FERRY3: variants seen among roughly 807,000 people sequenced by gnomAD.
The protein encoded by FERRY3 is FERRY endosomal RAB5 effector complex subunit 3, also known as protein C12orf4.
the FERRY3 span, among the ~76,000 whole-genome samples, chr12:4,496,335 C>T: frequency 2.0e-4 from 31 of 152,278 alleles, no homozygotes; most frequent in African/African-American, 7.5e-4. Flanking sequence ...AAGGAGCTCA[C>T]TTCTGGAAAC....
the FERRY3 span, among the ~76,000 whole-genome samples, chr12:4,490,760 T>C: frequency 6.6e-6 from 1 of 152,202 alleles, no homozygotes; most frequent in Non-Finnish European, 1.5e-5. Flanking sequence ...TGTTTGCAAT[T>C]CCTAATTCTT....
chr12:4,517,269 G>T, the FERRY3 span: 2 of 1,280,938 alleles, frequency 1.6e-6, no homozygotes, highest in Non-Finnish European at 1.0e-6. Flanking sequence ...AGATTTAGTA[G>T]AAAAAGAAAA....
the FERRY3 span, among the ~76,000 whole-genome samples, chr12:4,520,123 A>C: frequency 6.6e-6 from 1 of 152,332 alleles, no homozygotes; most frequent in Non-Finnish European, 1.5e-5. Context: ...AGCAGCTAAA[A>C]TTTTAACAGA....
chr12:4,527,665 A>C, the FERRY3 span, among the ~76,000 whole-genome samples: 1 of 152,200 alleles, frequency 6.6e-6, no homozygotes, highest in African/African-American at 2.4e-5. Context: ...ACTTACCTTA[A>C]GTCATACTGT....
At chr12:4,501,683 A>T in the FERRY3 span, among the ~76,000 whole-genome samples, 1 of 152,254 alleles carries the variant, frequency 6.6e-6, no homozygotes, top group African/African-American at 2.4e-5. Context: ...CAGTTGCAGG[A>T]AAACAAGCTC....
the FERRY3 span, chr12:4,505,460 C>G: frequency 1.0e-6 from 1 of 956,866 alleles, no homozygotes; most frequent in South Asian, 1.4e-5. Context: ...AAAAGAATCA[C>G]AACAACAGCA....
the FERRY3 span, chr12:4,518,943 C>A: frequency 1.8e-6 from 2 of 1,108,592 alleles, no homozygotes; most frequent in African/African-American, 1.7e-5. Context: ...TAAAGGAAAG[C>A]TTTATAATGA....
chr12:4,518,147 T>A, the FERRY3 span: 1 of 1,614,118 alleles, frequency 6.2e-7, no homozygotes, highest in East Asian at 2.2e-5. Context: ...CAGAGCTGTT[T>A]GGAGCCGATG....
chr12:4,511,499 C>G, the FERRY3 span, among the ~76,000 whole-genome samples: 5 of 151,370 alleles, frequency 3.3e-5, no homozygotes, highest in African/African-American at 1.2e-4. Context: ...GTAAAGCTCT[C>G]CTCAGCAAAT....
At chr12:4,494,651 T>C in the FERRY3 span, among the ~76,000 whole-genome samples, 1 of 152,252 alleles carries the variant, frequency 6.6e-6, no homozygotes, top group Non-Finnish European at 1.5e-5. Flanking sequence ...TATGGATTTA[T>C]GTCTGGATGC....
chr12:4,509,698 G>A, the FERRY3 span, among the ~76,000 whole-genome samples: 9 of 142,876 alleles, frequency 6.3e-5, no homozygotes, highest in South Asian at 2.2e-4. Context: ...CTGTCTGTTA[G>A]AAGGAAAACT....
chr12:4,525,419 A>G, the FERRY3 span: 1 of 1,600,624 alleles, frequency 6.2e-7, no homozygotes, highest in Admixed American at 1.7e-5. Flanking sequence ...TTTAACAAAA[A>G]CAAACAAACA....
the FERRY3 span, among the ~76,000 whole-genome samples, chr12:4,497,005 A>T: frequency 1.3e-5 from 2 of 152,154 alleles, no homozygotes; most frequent in African/African-American, 4.8e-5. Context: ...ACATAAATAT[A>T]CCCTGAGACC....
chr12:4,516,192 C>T, the FERRY3 span, among the ~76,000 whole-genome samples: 1 of 152,092 alleles, frequency 6.6e-6, no homozygotes, highest in Non-Finnish European at 1.5e-5. Flanking sequence ...TAATTACGTC[C>T]ACTTTAAAGA....
At chr12:4,508,574 G>C in the FERRY3 span, among the ~76,000 whole-genome samples, 2 of 151,988 alleles carry the variant, frequency 1.3e-5, no homozygotes, top group Non-Finnish European at 2.9e-5. Flanking sequence ...GCAAAACCCC[G>C]TCTCTATTAA....
chr12:4,534,520 C>T, the FERRY3 span, among the ~76,000 whole-genome samples: 1 of 152,182 alleles, frequency 6.6e-6, no homozygotes, highest in Non-Finnish European at 1.5e-5. Context: ...CCTCCCACCT[C>T]AGCCTCCCGA....
At chr12:4,521,033 C>T in the FERRY3 span, among the ~76,000 whole-genome samples, 1 of 152,114 alleles carries the variant, frequency 6.6e-6, no homozygotes, top group South Asian at 2.1e-4. Flanking sequence ...CTTCTAATAC[C>T]CACAATATCC....
the FERRY3 span, among the ~76,000 whole-genome samples, chr12:4,533,168 C>T: frequency 2.0e-5 from 3 of 152,210 alleles, no homozygotes; most frequent in Non-Finnish European, 2.9e-5. Context: ...TTATATCCAA[C>T]CTTTCCTGCT....
At chr12:4,507,236 G>A in the FERRY3 span, among the ~76,000 whole-genome samples, 1 of 152,308 alleles carries the variant, frequency 6.6e-6, no homozygotes, top group East Asian at 1.9e-4. Context: ...TGTACGAGAA[G>A]AAGGAAGCTA....
Sources: allele counts gnomAD v4.1 joint callset (sites outside exome capture counted in the v4.1 genomes callset), GRCh38; gene constraint gnomAD v4.1.1; transcripts MANE v1.5; gene names NCBI Gene and HGNC (gene_info 2026-07-23, HGNC 2026-07-21).